Variants in SCFD1 observed in about 807,000 individuals in gnomAD.
The protein encoded by SCFD1 is sec1 family domain containing 1.
SCFD1 carries 37 observed loss-of-function variants against 103.2 expected under a neutral mutation model. The ratio of observed to expected loss-of-function variants is 0.36; its 90% CI spans 0.28 to 0.47. SCFD1 has a LOEUF of 0.47. SCFD1 is among the 20% of genes least tolerant of loss of function. The pLI is 1.00. For missense variants in SCFD1, 639 were observed against 761.2 expected (o/e 0.84, Z 1.89); for synonymous variants, 264 against 245.0 (o/e 1.08, Z -0.73).
At position 30,628,233 on chromosome 14, in the gene SCFD1, T is replaced by C; in HGVS notation, c.86T>C (p.Phe29Ser). The C allele has an allele frequency of 6.2e-7, 1 of 1,612,080 alleles. No individual in the cohort carries two copies. ...GTGGCTTTGAAGCGTATGTTGAATT[T>C]CAATGTGCCTCATATTAAAAACAGC... ...QTVALKRMLN[F>S]NVPHIKNSTG... The change falls in exon 2 of 25, where the codon TTC becomes TCC. Residue 29 changes from phenylalanine (F) to serine (S), a missense_variant. Physicochemically the swap from Phe to Ser is radical, Grantham distance 155 (BLOSUM62 -2). Coordinates refer to ENST00000458591, the MANE Select transcript of SCFD1 (RefSeq NM_016106.4).
intron 10 of SCFD1, chr14:30,657,970 T>TA (rs574403917): frequency 0.023 from 7,293 of 320,606 alleles, no homozygotes; most frequent in South Asian, 0.036. Context: ...CACTTCTGGT[T>TA]AAAAAAAAAA....
rs1301173433 is a variant in SCFD1, at chr14:30,694,809, A to G, written c.1279A>G (p.Lys427Glu). Residue 427 changes from lysine (K) to glutamate (E), a missense_variant, in exon 15 of 25, where the codon AAA becomes GAA. Coordinates refer to ENST00000458591, the MANE Select transcript of SCFD1 (RefSeq NM_016106.4). ...GGATGTATATTTTGAATATGAAGAA[A>G]AAATAATGAGCAAAACTACTCTGGA... The part of the protein sequence containing the change: ...KLDVYFEYEE[K>E]IMSKTTLDKS... 2 of 1,585,084 alleles carry G rather than the reference A, an allele frequency of 1.3e-6. No individual in the cohort carries two copies. The highest frequency in any genetic ancestry group is 1.7e-6 in the Non-Finnish European group (2 of 1,171,528).
intron 23 of SCFD1, 90 bp from the exon 24 acceptor site, chr14:30,734,700 C>T: frequency 9.8e-7 from 1 of 1,019,896 alleles, no homozygotes; most frequent in Admixed American, 1.7e-5. Context: ...TTAAGAATAA[C>T]AAAAAAACTA....
chr14:30,723,351 A>G (rs1355496823), intron 23 of SCFD1, among the ~76,000 whole-genome samples: 3 of 152,156 alleles, frequency 2.0e-5, no homozygotes, highest in Non-Finnish European at 2.9e-5. Context: ...AGATATATGT[A>G]AGATACCTTA....
In SCFD1 at chr14:30,659,242, A is replaced by G. The variant is rs907635053; in HGVS notation, c.855+5654A>G. ...TGTCTATATGATGGAACATTTTACA[A>G]AGTTTTAATAATATATTTTATAATC... On this transcript the variant is annotated intron_variant, in intron 10 of 24. Coordinates refer to ENST00000458591, the MANE Select transcript of SCFD1 (RefSeq NM_016106.4). Among the ~76,000 whole-genome samples, 7 of 151,392 alleles carry G rather than the reference A, an allele frequency of 4.6e-5. No individual in the cohort carries two copies. The East Asian group carries it at 1.3e-3, about 29-fold the overall frequency.
chr14:30,715,747 G>C (rs759065330), intron 19 of SCFD1, 177 bp from the exon 20 acceptor site: 26 of 502,542 alleles, frequency 5.2e-5, no homozygotes, highest in African/African-American at 1.0e-4. Flanking sequence ...GTGGAAACTT[G>C]AGTAGTGCCA....
At chr14:30,650,189 C>T (rs1286465479) in intron 8 of SCFD1, among the ~76,000 whole-genome samples, 1 of 152,172 alleles carries the variant, frequency 6.6e-6, no homozygotes, top group Non-Finnish European at 1.5e-5. Context: ...CCCACCACTA[C>T]TTTGTTCACT....
At chr14:30,698,236 A>G (rs1192831067) in intron 15 of SCFD1, among the ~76,000 whole-genome samples, 1 of 152,196 alleles carries the variant, frequency 6.6e-6, no homozygotes, top group Non-Finnish European at 1.5e-5. Context: ...GCGTGTGACA[A>G]GAGGTTCCAA....
At chr14:30,715,183 C>G (rs553518578) in intron 19 of SCFD1, 1 of 152,136 alleles carries the variant, frequency 6.6e-6, no homozygotes, top group Non-Finnish European at 1.5e-5. Context: ...TAGAAATGAA[C>G]GAACTCTTAC....
rs201786998 is a variant in SCFD1 at position 30,727,565 on chromosome 14, T to TG, written c.1836+5009dup. On this transcript the variant is annotated intron_variant, in intron 23 of 24. Coordinates refer to ENST00000458591, the MANE Select transcript of SCFD1 (RefSeq NM_016106.4). ...AAGGAGACAATTTCATCAGGTCTTA[T>TG]GGGCATCTGTAAATATAGCTAAGAG... 4.0e-3 allele frequency among the ~76,000 whole-genome samples: 605 copies of TG among 152,294 alleles called. 6 individuals are homozygous for TG. Among genetic ancestry groups the TG allele is most frequent in the African/African-American group, 0.013 (549 of 41,526 alleles).
At chr14:30,635,168 ACCCT>A (rs1884597604) in intron 4 of SCFD1, 2 of 351,148 alleles carry the variant, frequency 5.7e-6, no homozygotes, top group Admixed American at 4.0e-5. Flanking sequence ...TTTCTCTTTT[ACCCT>A]GCGTAAACTC....
At chr14:30,664,511 C>T (rs550095020) in intron 10 of SCFD1, among the ~76,000 whole-genome samples, 63 of 152,244 alleles carry the variant, frequency 4.1e-4, no homozygotes, top group Non-Finnish European at 1.9e-4. Context: ...GATTGCAGCT[C>T]CTCGCCAGCA....
rs34928152 is a variant in SCFD1, at chr14:30,707,682, C to CA, written c.1554-298dup. 8.0e-3 allele frequency: 2,487 copies of CA among 309,534 alleles called. 1 individual carries two copies. Among genetic ancestry groups the CA allele is most frequent in the Middle Eastern group, 0.017 (15 of 892 alleles). 19.2% of individuals were successfully genotyped at this position (309,534 alleles called of 1,614,324 possible). On this transcript the variant is annotated intron_variant, in intron 18 of 24. Coordinates refer to ENST00000458591, the MANE Select transcript of SCFD1 (RefSeq NM_016106.4). ...GGAATTCTCTTCAAATTATAACTCG[C>CA]AAAAAAAAAATATAGCTAAGACTAG...
Position 30,638,205 on chromosome 14 carries a change from A to G in SCFD1, c.393A>G (p.Ala131=). Residue 131 remains alanine, a synonymous_variant, in exon 5 of 25, where the codon GCA becomes GCG. Coordinates refer to ENST00000458591, the MANE Select transcript of SCFD1 (RefSeq NM_016106.4). ...AISRSKLEDI[A]NAALAASAVT... ...CAAGAAGTAAACTGGAAGATATTGCAAATGCAGCGTTAGCAGCTAGTGCAG... is the reference window on the plus strand; with the variant it reads ...CAAGAAGTAAACTGGAAGATATTGCGAATGCAGCGTTAGCAGCTAGTGCAG... 5 of 1,613,004 alleles carry G rather than the reference A, an allele frequency of 3.1e-6. No homozygotes were observed. In the East Asian group the frequency reaches 6.7e-5, roughly 22 times the overall value.
At chr14:30,675,557 T>C (rs1888959662) in intron 14 of SCFD1, among the ~76,000 whole-genome samples, 1 of 152,222 alleles carries the variant, frequency 6.6e-6, no homozygotes, top group Admixed American at 6.5e-5. Flanking sequence ...GGGAGTTCTA[T>C]ATATTGTTAT....
intron 3 of SCFD1, among the ~76,000 whole-genome samples, chr14:30,633,187 G>A (rs1460598036): frequency 6.6e-6 from 1 of 152,126 alleles, no homozygotes; most frequent in Non-Finnish European, 1.5e-5. Context: ...GATATCAGTG[G>A]CAACAGTTAT....
At chr14:30,714,641 C>T (rs1892148532) in intron 19 of SCFD1, among the ~76,000 whole-genome samples, 1 of 151,882 alleles carries the variant, frequency 6.6e-6, no homozygotes, top group African/African-American at 2.4e-5. Context: ...ATGGAAAATC[C>T]TTATATAATA....
At chr14:30,720,786 G>A (rs1208528815) in intron 21 of SCFD1, among the ~76,000 whole-genome samples, 5 of 152,118 alleles carry the variant, frequency 3.3e-5, no homozygotes, top group Admixed American at 3.3e-4. Context: ...TTTACATAAG[G>A]TACTTGAGCA....
Position 30,735,230 on chromosome 14 carries a change from A to AC in SCFD1, c.1906-354dup, listed in dbSNP as rs138703200. ...TTTTCTTTTCCATCAATTGAACGTTACCTAATAATGTTTACATTTCTTTAC... is the reference window on the plus strand; with the variant it reads ...TTTTCTTTTCCATCAATTGAACGTTACCCTAATAATGTTTACATTTCTTTAC... On this transcript the variant is annotated intron_variant, in intron 24 of 24. Transcript: ENST00000458591. 2,474 of 298,238 alleles carry AC rather than the reference A, an allele frequency of 8.3e-3. 50 individuals carry two copies. Among genetic ancestry groups the AC allele is most frequent in the African/African-American group, 0.05 (2,308 of 45,888 alleles). The allele number at this position is 298,238 out of a possible 1,614,324, so 18.5% of individuals were successfully genotyped here. A position where few individuals can be genotyped will look rare whatever the true frequency, so the allele number is the denominator to read the frequency against.
Sources: gnomAD v4.1 joint callset for allele counts (sites outside exome capture counted in the v4.1 genomes callset) on GRCh38, gnomAD v4.1.1 for gene constraint, MANE v1.5 for transcripts, NCBI Gene and HGNC (gene_info 2026-07-23, HGNC 2026-07-21) for gene names.